MAP2K3: variants seen among roughly 807,000 people sequenced by gnomAD.
The protein encoded by MAP2K3 is mitogen-activated protein kinase kinase 3.
In MAP2K3, 30 loss-of-function variants were observed where a neutral mutation model predicts 46.4. That is an observed-to-expected ratio of 0.65 (90% CI 0.48 to 0.88). MAP2K3 has a LOEUF of 0.88. MAP2K3 is among the 40% of genes least tolerant of loss of function. MAP2K3 has a pLI of 0.00. For synonymous variants in MAP2K3, 189 were observed against 176.3 expected (o/e 1.07, Z -0.57); for missense variants, 380 against 464.5 (o/e 0.82, Z 1.67).
intron 2 of MAP2K3, 121 bp downstream of exon 2, chr17:21,298,600 C>T: frequency 1.3e-6 from 2 of 1,498,768 alleles, no homozygotes; most frequent in Non-Finnish European, 1.9e-6. Context: ...CCTGGGCAGC[C>T]CCTGCTGTGC....
chr17:21,285,190 C>A, intron 1 of MAP2K3: 1 of 959,212 alleles, frequency 1.0e-6, no homozygotes, highest in Non-Finnish European at 1.2e-6. Flanking sequence ...GGCCCGAGAT[C>A]ACCCAGGCTG....
intron 7 of MAP2K3, 94 bp downstream of exon 7, chr17:21,303,328 C>T: frequency 6.4e-7 from 1 of 1,559,418 alleles, no homozygotes; most frequent in Non-Finnish European, 8.7e-7. Context: ...AACTGTGGCT[C>T]CGAGAGGTGA....
At position 21,303,202 on chromosome 17, in the gene MAP2K3, A is replaced by G. The variant is rs1976704385; in HGVS notation, c.536A>G (p.His179Arg). 1.9e-6 allele frequency: 3 copies of G among 1,614,126 alleles called. No individual in the cohort carries two copies. The highest frequency in any genetic ancestry group is 2.5e-6 in the Non-Finnish European group (3 of 1,180,062). ...CGCCAGATCGTGCGGGCCCTGGAGC[A>G]TCTGCACAGCAAGCTGTCGGTGATC... ...IAVSIVRALE[H>R]LHSKLSVIHR... The change falls in exon 7 of 12, where the codon CAT becomes CGT. Residue 179 changes from histidine (H) to arginine (R), a missense_variant. Transcript: ENST00000342679.
chr17:21,302,178 A>T lies in MAP2K3; in HGVS notation c.435A>T (p.Thr145=). Residue 145 remains threonine, a synonymous_variant, in exon 6 of 12, where the codon ACA becomes ACT. Coordinates refer to ENST00000342679, the MANE Select transcript of MAP2K3 (RefSeq NM_145109.3). ...GGATCTGCATGGAGCTCATGGACAC[A>T]TCCTTGGACAAGTTCTACCGGAAGG... is the stretch of plus-strand genomic sequence containing the variant. ...DVWICMELMD[T]SLDKFYRKVL... The T allele has an allele frequency of 6.2e-7, 1 of 1,614,294 alleles. No individual in the cohort carries two copies. The highest frequency in any genetic ancestry group is 8.5e-7 in the Non-Finnish European group (1 of 1,180,040).
At chr17:21,298,855 C>A in intron 2 of MAP2K3, 23 bp from the exon 3 acceptor site, 1 of 1,614,302 alleles carries the variant, frequency 6.2e-7, no homozygotes, top group Non-Finnish European at 8.5e-7. Flanking sequence ...CTCTGAAGCT[C>A]ACGGAGTCTT....
At chr17:21,312,725 A>G (rs1977222923) in intron 10 of MAP2K3, among the ~76,000 whole-genome samples, 1 of 151,870 alleles carries the variant, frequency 6.6e-6, no homozygotes, top group African/African-American at 2.4e-5. Flanking sequence ...GACCAGCCTG[A>G]CCAACATGGT....
intron 1 of MAP2K3, chr17:21,295,835 G>A (rs1976214392): frequency 4.7e-6 from 6 of 1,289,530 alleles, no homozygotes; most frequent in Admixed American, 2.3e-5. Flanking sequence ...CCCAAGGCAT[G>A]AGGTGGGTGG....
At chr17:21,285,128 C>G (rs1975689912) in intron 1 of MAP2K3, 159 bp downstream of exon 1, 1 of 840,880 alleles carries the variant, frequency 1.2e-6, no homozygotes, top group Non-Finnish European at 1.4e-6. Flanking sequence ...GGGACCAGCC[C>G]CCGCCTGGGC....
chr17:21,288,779 C>G (rs1201234131), intron 1 of MAP2K3, among the ~76,000 whole-genome samples: 1 of 152,216 alleles, frequency 6.6e-6, no homozygotes, highest in African/African-American at 2.4e-5. Flanking sequence ...AGTGAGACTG[C>G]CCTCTGCCTG....
At chr17:21,287,954 C>T (rs1490577005) in intron 1 of MAP2K3, 2 of 1,138,030 alleles carry the variant, frequency 1.8e-6, no homozygotes, top group Admixed American at 4.6e-5. Flanking sequence ...GGAGGTGGCA[C>T]CTCGGGGACT....
rs780286529 is a variant in MAP2K3 at position 21,305,133 on chromosome 17, T to C, written c.774+5T>C. The stretch of plus-strand genomic sequence containing the variant: ...TGGAGCCTGGGCATCACCATGGTAC[T>C]GTGGGGGGCCAGGGCCTGCCCTTGG... On this transcript the variant is annotated splice_donor_5th_base_variant and intron_variant, in intron 9 of 11. Transcript: ENST00000342679. The C allele has an allele frequency of 6.2e-7, 1 of 1,614,198 alleles. No homozygotes were observed. The highest frequency in any genetic ancestry group is 1.3e-5 in the African/African-American group (1 of 74,968).
At chr17:21,289,911 GTCCC>G (rs1400389314) in intron 1 of MAP2K3, among the ~76,000 whole-genome samples, 1 of 152,192 alleles carries the variant, frequency 6.6e-6, no homozygotes, top group Non-Finnish European at 1.5e-5. Flanking sequence ...ATGTCCAGCT[GTCCC>G]TCTCCCAGCT....
At chr17:21,309,596 A>G (rs1023653398) in intron 9 of MAP2K3, among the ~76,000 whole-genome samples, 5 of 151,738 alleles carry the variant, frequency 3.3e-5, no homozygotes, top group East Asian at 1.9e-4. Flanking sequence ...TTAGAGAAAT[A>G]CAAACAATAT....
chr17:21,304,397 C>T (rs757843793), intron 7 of MAP2K3, 29 bp from the exon 8 acceptor site: 43 of 1,614,090 alleles, frequency 2.7e-5, no homozygotes, highest in Admixed American at 3.3e-5. Flanking sequence ...GCTCCACAGA[C>T]GTGGCTGAGG....
chr17:21,288,946 G>A (rs145763781), intron 1 of MAP2K3, among the ~76,000 whole-genome samples: 2 of 152,372 alleles, frequency 1.3e-5, no homozygotes, highest in Non-Finnish European at 2.9e-5. Context: ...CTGTAAAGTG[G>A]GAGTAAACAT....
intron 5 of MAP2K3, among the ~76,000 whole-genome samples, chr17:21,301,571 G>A (rs1055207226): frequency 1.2e-4 from 19 of 152,306 alleles, no homozygotes; most frequent in Non-Finnish European, 2.1e-4. Flanking sequence ...CAGCCATCGG[G>A]CAAGGTCAGG....
At position 21,298,391 on chromosome 17, in the gene MAP2K3, C is replaced by T. The variant is rs761996140; in HGVS notation, c.50-22C>T. 4 of 1,614,308 alleles carry T rather than the reference C, an allele frequency of 2.5e-6. No homozygotes were observed. The South Asian group carries it at 4.4e-5, about 18-fold the overall frequency. ...TTGATGTCAAGGGATAGGCCAGACG[C>T]CTCACCTTCTCTCCATTCTAGGAAA... On this transcript the variant is annotated intron_variant, in intron 1 of 11. Coordinates refer to ENST00000342679, the MANE Select transcript of MAP2K3 (RefSeq NM_145109.3).
rs1290537007 is a variant in MAP2K3 at position 21,288,132 on chromosome 17, A to C, written c.49+3163A>C. The C allele has an allele frequency of 2.3e-6, 3 of 1,279,724 alleles. No individual in the cohort carries two copies. In the African/African-American group the frequency reaches 4.6e-5, roughly 19 times the overall value. 79.3% of individuals were successfully genotyped at this position (1,279,724 alleles called of 1,614,324 possible). ...CTGGGTGCTGACTCACCCGCTGGGCATGCCAGCCGGCTGCCTACAGCTTAA... is the reference window on the plus strand; with the variant it reads ...CTGGGTGCTGACTCACCCGCTGGGCCTGCCAGCCGGCTGCCTACAGCTTAA... On this transcript the variant is annotated intron_variant, in intron 1 of 11. Transcript: ENST00000342679.
At position 21,302,203 on chromosome 17, in the gene MAP2K3, G is replaced by A. The variant is rs755211258; in HGVS notation, c.460G>A (p.Val154Met). The change falls in exon 6 of 12, where the codon GTG becomes ATG. Residue 154 changes from valine to methionine, a missense_variant. Physicochemically the swap from Val to Met is conservative, Grantham distance 21. This residue lies in a region of MAP2K3 where 294 missense variants were observed against 275.4 expected (regional missense o/e 1.07). Transcript: ENST00000342679. ...DTSLDKFYRK[V>M]LDKNMTIPED... ...ATCCTTGGACAAGTTCTACCGGAAG[G>A]TGCTGGATAAAAACATGACAATTCC... 1.1e-5 allele frequency: 17 copies of A among 1,613,812 alleles called. No homozygotes were observed. Among genetic ancestry groups the A allele is most frequent in the African/African-American group, 2.7e-5 (2 of 74,962 alleles).
Sources: gnomAD v4.1 joint callset for allele counts (sites outside exome capture counted in the v4.1 genomes callset) on GRCh38, gnomAD v4.1.1 for gene constraint, gnomAD v4.1.1 regional missense constraint, MANE v1.5 for transcripts, NCBI Gene and HGNC (gene_info 2026-07-23, HGNC 2026-07-21) for gene names.